CCDC93: variants seen among roughly 807,000 people sequenced by gnomAD.
The protein encoded by CCDC93 is coiled-coil domain-containing protein 93.
CCDC93 carries 61 observed loss-of-function variants against 108.2 expected under a neutral mutation model. That is an observed-to-expected ratio of 0.56 (90% CI 0.46 to 0.70). The LOEUF is 0.70. Among genes scored for constraint, CCDC93 ranks in the 30% least tolerant of loss-of-function variants. CCDC93 has a pLI of 0.00. For synonymous variants in CCDC93, 276 were observed against 260.4 expected (o/e 1.06, Z -0.58); for missense variants, 685 against 764.2 (o/e 0.90, Z 1.22).
chr2:118,004,792 G>C (rs1036187671), intron 3 of CCDC93, among the ~76,000 whole-genome samples: 1 of 152,166 alleles, frequency 6.6e-6, no homozygotes, highest in Non-Finnish European at 1.5e-5. Flanking sequence ...GCACTTAAGA[G>C]ACACACATCA....
intron 23 of CCDC93, among the ~76,000 whole-genome samples, chr2:117,928,356 T>C (rs1206897123): frequency 6.6e-6 from 1 of 152,222 alleles, no homozygotes; most frequent in Non-Finnish European, 1.5e-5. Context: ...TTTTGCAATC[T>C]ACTCATCTGA....
intron 7 of CCDC93, among the ~76,000 whole-genome samples, chr2:117,981,201 G>A (rs191236105): frequency 6.6e-6 from 1 of 152,256 alleles, no homozygotes; most frequent in Admixed American, 6.5e-5. Context: ...AAATATTCAT[G>A]TACAGCTTCA....
chr2:117,994,483 A>T (rs1414876587), intron 6 of CCDC93, among the ~76,000 whole-genome samples: 1 of 152,240 alleles, frequency 6.6e-6, no homozygotes, highest in African/African-American at 2.4e-5. Context: ...GTTTCATAGG[A>T]GATTTCCATG....
chr2:117,993,549 C>A (rs1250198426), intron 6 of CCDC93, among the ~76,000 whole-genome samples: 2 of 152,020 alleles, frequency 1.3e-5, no homozygotes, highest in African/African-American at 4.8e-5. Flanking sequence ...AAGACAATTT[C>A]CCCTTCTCTC....
chr2:117,975,403 G>C (rs900352406), intron 8 of CCDC93, 123 bp from the exon 9 acceptor site: 8 of 685,034 alleles, frequency 1.2e-5, no homozygotes, highest in Admixed American at 4.9e-5. Flanking sequence ...GCAGCATCCT[G>C]AGAGAGTGGA....
At chr2:118,001,041 G>C in intron 3 of CCDC93, 109 bp from the exon 4 acceptor site, 4 of 673,146 alleles carry the variant, frequency 5.9e-6, no homozygotes. Context: ...TCCATGCCAG[G>C]CTAGTCCAGA....
intron 7 of CCDC93, among the ~76,000 whole-genome samples, chr2:117,979,502 T>C (rs1313548811): frequency 6.6e-6 from 1 of 152,230 alleles, no homozygotes; most frequent in Admixed American, 6.5e-5. Context: ...GTTACTTATC[T>C]GTATCATTCT....
chr2:117,979,386 T>G (rs1039171622), intron 7 of CCDC93, among the ~76,000 whole-genome samples: 2 of 151,932 alleles, frequency 1.3e-5, no homozygotes, highest in East Asian at 1.9e-4. Flanking sequence ...GCTCTAAAGC[T>G]CCTCCCCTGT....
intron 12 of CCDC93, among the ~76,000 whole-genome samples, chr2:117,955,089 TATA>T (rs371018464): frequency 5.3e-4 from 80 of 152,326 alleles, no homozygotes; most frequent in African/African-American, 1.9e-3. Flanking sequence ...TCCTTATTTG[TATA>T]ATGAGGATAA....
At chr2:118,007,768 A>T (rs189372809) in intron 2 of CCDC93, among the ~76,000 whole-genome samples, 2 of 152,358 alleles carry the variant, frequency 1.3e-5, no homozygotes, top group Non-Finnish European at 2.9e-5. Context: ...CCAGGGCCCA[A>T]GCCCAGACCT....
chr2:117,974,762 C>G (rs921548802), intron 10 of CCDC93, 88 bp downstream of exon 10: 1 of 951,250 alleles, frequency 1.1e-6, no homozygotes, highest in Non-Finnish European at 1.6e-6. Flanking sequence ...GAGGCAGCTC[C>G]GGAGAAGGTG....
intron 1 of CCDC93, 39 bp from the exon 2 acceptor site, chr2:118,008,697 G>T: frequency 1.5e-6 from 2 of 1,334,748 alleles, no homozygotes; most frequent in Non-Finnish European, 1.1e-6. Flanking sequence ...TAAAAGATAT[G>T]CTGAATAAAG....
chr2:117,962,732 T>G lies in CCDC93; in HGVS notation c.889-4251A>C, dbSNP rs890752266. Among the ~76,000 whole-genome samples the G allele has an allele frequency of 2.0e-5, 3 of 152,184 alleles. No homozygotes were observed. In the East Asian group the frequency reaches 5.8e-4, roughly 29 times the overall value. On this transcript the variant is annotated intron_variant, in intron 11 of 23. Transcript: ENST00000376300. Reference sequence around the variant, plus strand: ...CTAAGAACTAGCAAGAATGTTAAATTTCGGAAGGCCAAAAAGTAACTGAAA... The same window carrying G: ...CTAAGAACTAGCAAGAATGTTAAATGTCGGAAGGCCAAAAAGTAACTGAAA...
At chr2:117,922,140 T>G (rs1677890914) in intron 23 of CCDC93, among the ~76,000 whole-genome samples, 1 of 152,094 alleles carries the variant, frequency 6.6e-6, no homozygotes, top group South Asian at 2.1e-4. Context: ...GTAAATAAGT[T>G]TAAACTGTCA....
intron 22 of CCDC93, chr2:117,934,374 C>T (rs980861703): frequency 6.6e-6 from 1 of 152,192 alleles, no homozygotes; most frequent in Non-Finnish European, 1.5e-5. Context: ...GAGGGGACTG[C>T]ATTCTCCCTC....
chr2:117,927,774 G>A (rs902234585), intron 23 of CCDC93, among the ~76,000 whole-genome samples: 12 of 152,082 alleles, frequency 7.9e-5, no homozygotes, highest in Admixed American at 7.9e-4. Context: ...AAGTTCATAT[G>A]GAACCAAAAA....
chr2:117,971,592 A>G (rs559352376), intron 11 of CCDC93, among the ~76,000 whole-genome samples: 3 of 152,264 alleles, frequency 2.0e-5, no homozygotes, highest in Non-Finnish European at 4.4e-5. Flanking sequence ...CAGAAAAGTA[A>G]TATTATTCTC....
At chr2:117,994,544 C>G (rs1370426334) in intron 6 of CCDC93, among the ~76,000 whole-genome samples, 1 of 152,000 alleles carries the variant, frequency 6.6e-6, no homozygotes, top group Non-Finnish European at 1.5e-5. Context: ...CTTGGTAGAC[C>G]ACACATTTAT....
At chr2:118,008,684 T>C in intron 1 of CCDC93, 26 bp from the exon 2 acceptor site, 2 of 1,474,324 alleles carry the variant, frequency 1.4e-6, no homozygotes, top group Non-Finnish European at 1.9e-6. Context: ...AAACTTTGGC[T>C]GGTAAAAGAT....
Sources: allele counts gnomAD v4.1 joint callset (sites outside exome capture counted in the v4.1 genomes callset), GRCh38; gene constraint gnomAD v4.1.1; transcripts MANE v1.5; gene names NCBI Gene and HGNC (gene_info 2026-07-23, HGNC 2026-07-21).